Variants in PDE6A observed in about 807,000 individuals in gnomAD.
PDE6A encodes the protein phosphodiesterase 6A, also known as rod cGMP-specific 3',5'-cyclic phosphodiesterase subunit alpha.
Under a neutral mutation model 106.3 loss-of-function variants are expected in PDE6A, and 84 were observed. That is an observed-to-expected ratio of 0.79 (90% CI 0.66 to 0.95). The LOEUF is 0.95. Among genes scored for constraint, PDE6A ranks in the 40% least tolerant of loss-of-function variants. The pLI is 0.00. For synonymous variants in PDE6A, 394 were observed against 386.6 expected, an observed-to-expected ratio of 1.02 and a Z score of -0.23; for missense variants, 1,052 against 1,084.9, an observed-to-expected ratio of 0.97 and a Z score of 0.43.
intron 17 of PDE6A, among the ~76,000 whole-genome samples, chr5:149,879,694 C>T (rs185259338): frequency 1.4e-4 from 21 of 149,580 alleles, no homozygotes; most frequent in Middle Eastern, 3.4e-3. Flanking sequence ...TTTGTTCTTG[C>T]GATAGTTTAC....
intron 11 of PDE6A, 77 bp from the exon 12 acceptor site, chr5:149,896,579 C>G: frequency 1.9e-6 from 3 of 1,613,800 alleles, no homozygotes; most frequent in Non-Finnish European, 2.5e-6. Flanking sequence ...AGCCCTGTCC[C>G]CATCCTGGGT....
At chr5:149,877,344 G>A (rs114478056) in intron 17 of PDE6A, among the ~76,000 whole-genome samples, 4 of 152,196 alleles carry the variant, frequency 2.6e-5, no homozygotes, top group Admixed American at 2.0e-4. Flanking sequence ...TTGGGAGGCC[G>A]AGGTGTAAGA....
chr5:149,933,259 T>C (rs562422087), intron 3 of PDE6A, among the ~76,000 whole-genome samples: 1 of 152,324 alleles, frequency 6.6e-6, no homozygotes, highest in South Asian at 2.1e-4. Flanking sequence ...TGAGCCACCT[T>C]ACCCAGCCCA....
intron 5 of PDE6A, among the ~76,000 whole-genome samples, chr5:149,916,864 A>T (rs146462157): frequency 6.6e-6 from 1 of 152,226 alleles, no homozygotes; most frequent in East Asian, 1.9e-4. Context: ...TTAGTGTTTT[A>T]CTGTCCGCAT....
intron 1 of PDE6A, among the ~76,000 whole-genome samples, chr5:149,935,265 AGTGTGTGTGTGT>A (rs60720493): frequency 6.7e-6 from 1 of 149,750 alleles, no homozygotes; most frequent in Admixed American, 6.6e-5. Context: ...TGTGTGTGTG[AGTGTGTGTGTGT>A]GTGTGTATGT....
intron 3 of PDE6A, chr5:149,932,414 G>A (rs563557922): frequency 1.5e-6 from 2 of 1,367,048 alleles, no homozygotes; most frequent in South Asian, 2.4e-5. Flanking sequence ...TTAGTGCGAG[G>A]AGTTTAAAGG....
intron 5 of PDE6A, among the ~76,000 whole-genome samples, chr5:149,918,759 G>A (rs928161558): frequency 2.6e-5 from 4 of 151,714 alleles, no homozygotes; most frequent in Non-Finnish European, 4.4e-5. Context: ...ATACAGGCAC[G>A]CGTCACCATG....
Position 149,894,629 on chromosome 5 carries a change from A to ATTTTTT in PDE6A, c.1728+548_1728+553dup, listed in dbSNP as rs10657525. The stretch of plus-strand genomic sequence containing the variant: ...TAACCATGACCAATTGAACTGTTGA[A>ATTTTTT]TTTTTTTTTTTTTTTTTTTTTGAGA... On this transcript the variant is annotated intron_variant, in intron 13 of 21. Coordinates refer to ENST00000255266, the MANE Select transcript of PDE6A (RefSeq NM_000440.3). 6.5e-3 allele frequency among the ~76,000 whole-genome samples: 731 copies of ATTTTTT among 112,982 alleles called. 23 individuals are homozygous for ATTTTTT. Among genetic ancestry groups the ATTTTTT allele is most frequent in the Middle Eastern group, 0.026 (5 of 192 alleles). 74.1% of individuals were successfully genotyped at this position (112,982 alleles called of 152,430 possible).
In PDE6A at chr5:149,884,513, C is replaced by T. The variant is rs1032049776; in HGVS notation, c.1993G>A (p.Ala665Thr). 1.9e-6 allele frequency: 3 copies of T among 1,613,430 alleles called. No homozygotes were observed. The highest frequency in any genetic ancestry group is 1.7e-6 in the Non-Finnish European group (2 of 1,179,518). The change falls in exon 16 of 22, where the codon GCA (alanine) becomes ACA (threonine). Residue 665 changes from alanine (A) to threonine (T), a missense_variant. Physicochemically the swap from Ala to Thr is moderately conservative, Grantham distance 58 (BLOSUM62 0). Coordinates refer to ENST00000255266, the MANE Select transcript of PDE6A (RefSeq NM_000440.3). ...AGGGCGAGGTCTGTGGCAATGATTGCAATGTCCATCATGTGGATGGCATGC... is the reference window on the plus strand; with the variant it reads ...AGGGCGAGGTCTGTGGCAATGATTGTAATGTCCATCATGTGGATGGCATGC... Reference protein sequence around the residue: ...HEHAIHMMDIAIIATDLALYF... With the variant: ...HEHAIHMMDITIIATDLALYF...
At chr5:149,870,804 ATATGCT>A (rs1760510883) in intron 17 of PDE6A, among the ~76,000 whole-genome samples, 2 of 151,388 alleles carry the variant, frequency 1.3e-5, no homozygotes. Flanking sequence ...TGTCATCACA[ATATGCT>A]AAGTAGAATG....
chr5:149,887,149 A>G (rs1057090252), intron 13 of PDE6A, among the ~76,000 whole-genome samples: 5 of 152,234 alleles, frequency 3.3e-5, no homozygotes, highest in African/African-American at 1.2e-4. Flanking sequence ...ACAAATACAC[A>G]AAGATAAGTC....
rs548076546 is a variant in PDE6A at position 149,908,860 on chromosome 5, T to A, written c.999-1482A>T. On this transcript the variant is annotated intron_variant, in intron 6 of 21. Coordinates refer to ENST00000255266, the MANE Select transcript of PDE6A (RefSeq NM_000440.3). ...AGGGGGACTCCATCTCTAAAAAATA[T>A]AAATAAGTAAATATAAACCACTAAG... Among the ~76,000 whole-genome samples the A allele has an allele frequency of 7.9e-5, 12 of 152,210 alleles. No homozygotes were observed. In the South Asian group the frequency reaches 1.9e-3, roughly 24 times the overall value.
intron 13 of PDE6A, among the ~76,000 whole-genome samples, chr5:149,890,333 C>T (rs1752500748): frequency 6.6e-6 from 1 of 152,114 alleles, no homozygotes; most frequent in Admixed American, 6.6e-5. Flanking sequence ...ACCCTTAGAA[C>T]ATCTCAAAAA....
intron 3 of PDE6A, among the ~76,000 whole-genome samples, chr5:149,933,061 T>C (rs545905450): frequency 6.6e-6 from 1 of 152,306 alleles, no homozygotes; most frequent in African/African-American, 2.4e-5. Flanking sequence ...AGCACGATCA[T>C]AGCTCACTGT....
At chr5:149,925,836 AG>A (rs1195105104) in intron 4 of PDE6A, among the ~76,000 whole-genome samples, 3 of 152,210 alleles carry the variant, frequency 2.0e-5, no homozygotes, top group Non-Finnish European at 4.4e-5. Flanking sequence ...ATGGTGAAAA[AG>A]TCTAACATAT....
rs879925371 is a variant in PDE6A, at chr5:149,863,345, C to T, written c.2359-79G>A. On this transcript the variant is annotated intron_variant, in intron 20 of 21. Transcript: ENST00000255266. The surrounding 1 kb of genome is among the most constrained non-coding windows in gnomAD (Gnocchi z 4.7). Reference sequence around the variant, plus strand: ...CTCAAGCGGGTGGCACAGCTGGAAACGTCCAACACTGGAATGAGCTGCTTC... The same window carrying T: ...CTCAAGCGGGTGGCACAGCTGGAAATGTCCAACACTGGAATGAGCTGCTTC... 26 of 1,437,256 alleles carry T rather than the reference C, an allele frequency of 1.8e-5. No homozygotes were observed. Among genetic ancestry groups the T allele is most frequent in the African/African-American group, 8.4e-5 (6 of 71,376 alleles). 89.0% of individuals were successfully genotyped at this position (1,437,256 alleles called of 1,614,324 possible). A position where few individuals can be genotyped will look rare whatever the true frequency, so the allele number is the denominator to read the frequency against.
At chr5:149,909,143 G>A (rs921755365) in intron 6 of PDE6A, among the ~76,000 whole-genome samples, 4 of 151,928 alleles carry the variant, frequency 2.6e-5, no homozygotes, top group Non-Finnish European at 5.9e-5. Flanking sequence ...TTATAGGCAT[G>A]TGCCACCACA....
intron 17 of PDE6A, among the ~76,000 whole-genome samples, chr5:149,876,481 A>G (rs1330359338): frequency 1.3e-5 from 2 of 151,250 alleles, no homozygotes; most frequent in Non-Finnish European, 2.9e-5. Context: ...TCGGCCTCCC[A>G]AGTAGCGTGC....
At chr5:149,925,724 AG>A (rs1753847703) in intron 4 of PDE6A, among the ~76,000 whole-genome samples, 3 of 149,548 alleles carry the variant, frequency 2.0e-5, no homozygotes, top group Admixed American at 6.7e-5. Context: ...AAAAAAAAAA[AG>A]AGTTAGTAAT....
Sources: gnomAD v4.1 joint callset for allele counts (sites outside exome capture counted in the v4.1 genomes callset) on GRCh38, gnomAD v4.1.1 for gene constraint, Gnocchi (gnomAD v3.1) non-coding constraint, MANE v1.5 for transcripts, NCBI Gene and HGNC (gene_info 2026-07-23, HGNC 2026-07-21) for gene names.